The following VPS26A variants were observed in gnomAD, a reference collection of about 807,000 sequenced individuals.
The protein encoded by VPS26A is VPS26 retromer complex component A, also known as vacuolar protein sorting-associated protein 26A.
VPS26A carries 22 observed loss-of-function variants against 42.4 expected under a neutral mutation model. The observed-to-expected ratio is 0.52, with a 90% CI of 0.37 to 0.74. The LOEUF (loss-of-function observed/expected upper bound fraction) is 0.74. Ranked by LOEUF, VPS26A falls within the 30% of genes least tolerant of loss-of-function variation. The pLI is 0.00. For missense variants in VPS26A, 276 were observed against 379.2 expected (o/e 0.73, Z 2.26); for synonymous variants, 110 against 123.5 (o/e 0.89, Z 0.73).
At chr10:69,138,377 C>CATGT (rs1214680293) in intron 2 of VPS26A, among the ~76,000 whole-genome samples, 3 of 152,150 alleles carry the variant, frequency 2.0e-5, no homozygotes, top group Non-Finnish European at 4.4e-5. Flanking sequence ...TTCTCTTGAG[C>CATGT]ATGTACCTGG....
At chr10:69,134,832 C>T (rs1840867825) in intron 2 of VPS26A, among the ~76,000 whole-genome samples, 1 of 152,060 alleles carries the variant, frequency 6.6e-6, no homozygotes. Flanking sequence ...GTGGCTCACA[C>T]CTTTAATCCC....
intron 2 of VPS26A, among the ~76,000 whole-genome samples, chr10:69,143,473 G>A (rs1374140838): frequency 6.6e-6 from 1 of 152,136 alleles, no homozygotes; most frequent in Non-Finnish European, 1.5e-5. Flanking sequence ...GTGAGTTTCT[G>A]TATGCCTACT....
At chr10:69,126,357 A>G (rs924096831) in intron 1 of VPS26A, among the ~76,000 whole-genome samples, 38 of 152,050 alleles carry the variant, frequency 2.5e-4, no homozygotes, top group African/African-American at 8.9e-4. Context: ...CTGTAGTCCC[A>G]CCTACTCGGG....
intron 5 of VPS26A, among the ~76,000 whole-genome samples, chr10:69,160,944 G>A (rs1841548126): frequency 6.6e-6 from 1 of 152,172 alleles, no homozygotes; most frequent in South Asian, 2.1e-4. Flanking sequence ...CTTTGTCTTT[G>A]TGGGCAGATG....
chr10:69,168,536 C>T lies in VPS26A; in HGVS notation c.775C>T (p.Pro259Ser). 6.2e-7 allele frequency: 1 copy of T among 1,614,030 alleles called. No homozygotes were observed. Among genetic ancestry groups the T allele is most frequent in the Non-Finnish European group, 8.5e-7 (1 of 1,179,986 alleles). ...RLFLAGYDPT[P>S]TMRDVNKKFS... The stretch of plus-strand genomic sequence containing the variant: ...ATTTTTAGCAGGATATGACCCAACT[C>T]CAACAATGAGAGATGTGAACAAAAA... Residue 259 changes from proline (P) to serine (S), a missense_variant, in exon 8 of 9, where the codon CCA (proline) becomes TCA (serine). Physicochemically the swap from Pro to Ser is moderately conservative, Grantham distance 74. Transcript: ENST00000263559.
At position 69,172,613 on chromosome 10, in the gene VPS26A, C is replaced by T. The variant is rs1841842298; in HGVS notation, c.*1344C>T. On this transcript the variant is annotated 3_prime_UTR_variant, in exon 9 of 9. Transcript: ENST00000263559. ...ATAAAATGGTCAGGAACCAACTTTA[C>T]TGGCAAAAGGGTCCATGTACCACCA... is the stretch of plus-strand genomic sequence containing the variant. The T allele has an allele frequency of 6.6e-6, 1 of 151,890 alleles. No homozygotes were observed. The highest frequency in any genetic ancestry group is 6.6e-5 in the Admixed American group (1 of 15,226). The allele number at this position is 151,890 out of a possible 1,614,324, so 9.4% of individuals were successfully genotyped here. A position where few individuals can be genotyped will look rare whatever the true frequency, so the allele number is the denominator to read the frequency against.
At chr10:69,136,351 G>A (rs35309688) in intron 2 of VPS26A, among the ~76,000 whole-genome samples, 24,178 of 150,112 alleles carry the variant, frequency 0.16, 2,568 homozygotes, top group Non-Finnish European at 0.23. Context: ...GCAACTTCCC[G>A]CTTCCTGGGT....
intron 5 of VPS26A, among the ~76,000 whole-genome samples, chr10:69,162,123 C>G (rs1841577615): frequency 1.3e-5 from 2 of 151,688 alleles, no homozygotes; most frequent in Non-Finnish European, 2.9e-5. Flanking sequence ...TCCCAAGTAG[C>G]AGGGATCACA....
At chr10:69,140,000 A>G (rs1841004865) in intron 2 of VPS26A, among the ~76,000 whole-genome samples, 1 of 151,798 alleles carries the variant, frequency 6.6e-6, no homozygotes, top group Non-Finnish European at 1.5e-5. Flanking sequence ...TTTTTCTTAA[A>G]ATAACTTTGT....
chr10:69,172,799 A>G lies in VPS26A; in HGVS notation c.*1530A>G, dbSNP rs951696290. The G allele has an allele frequency of 6.6e-6, 1 of 152,646 alleles. No individual in the cohort carries two copies. The highest frequency in any genetic ancestry group is 1.5e-5 in the Non-Finnish European group (1 of 68,024). 9.5% of individuals were successfully genotyped at this position (152,646 alleles called of 1,614,324 possible). On this transcript the variant is annotated 3_prime_UTR_variant, in exon 9 of 9. Coordinates refer to ENST00000263559, the MANE Select transcript of VPS26A (RefSeq NM_004896.5). ...ATATTCAAAGAGATTTTGAAAACCA[A>G]TTGTATTTAACCAGCCTCAAATTGT...
chr10:69,162,584 T>G (rs1841586347), intron 6 of VPS26A, 72 bp downstream of exon 6: 7 of 994,698 alleles, frequency 7.0e-6, no homozygotes, highest in Non-Finnish European at 1.0e-5. Flanking sequence ...AAAATATTGT[T>G]TAAACATAAT....
At chr10:69,128,425 T>G (rs576418811) in intron 1 of VPS26A, among the ~76,000 whole-genome samples, 1 of 151,816 alleles carries the variant, frequency 6.6e-6, no homozygotes, top group South Asian at 2.1e-4. Context: ...AGAGATGGGG[T>G]TTCACCGTGT....
At chr10:69,151,282 A>AAAAAAAAAAAAAAAAC (rs71035063) in intron 2 of VPS26A, among the ~76,000 whole-genome samples, 11 of 136,820 alleles carry the variant, frequency 8.0e-5, no homozygotes, top group African/African-American at 3.3e-4. Context: ...AAAAAAAAAA[A>AAAAAAAAAAAAAAAAC]ACACACACAC....
chr10:69,162,489 T>C lies in VPS26A; in HGVS notation c.635T>C (p.Ile212Thr). The change falls in exon 6 of 9, where the codon ATC becomes ACC. Residue 212 changes from isoleucine to threonine, a missense_variant. Ile to Thr is a moderately conservative substitution (Grantham distance 89, BLOSUM62 -1). Coordinates refer to ENST00000263559, the MANE Select transcript of VPS26A (RefSeq NM_004896.5). ...IKIQHMELQLIKKEITGIGPS... is the reference protein window; with the variant it reads ...IKIQHMELQLTKKEITGIGPS... ...ATACAACATATGGAGTTACAGCTGA[T>C]CAAAAAAGAGATCACAGGAATTGGT... The C allele has an allele frequency of 6.4e-7, 1 of 1,558,100 alleles. No homozygotes were observed. The highest frequency in any genetic ancestry group is 8.7e-7 in the Non-Finnish European group (1 of 1,143,194).
At chr10:69,151,657 A>G (rs1841318286) in intron 2 of VPS26A, among the ~76,000 whole-genome samples, 1 of 152,192 alleles carries the variant, frequency 6.6e-6, no homozygotes, top group Non-Finnish European at 1.5e-5. Context: ...GGAAAATTTC[A>G]GAGTTTGCAG....
In VPS26A at chr10:69,173,222, C is replaced by T. The variant is rs2135591; in HGVS notation, c.*1953C>T. Among the ~76,000 whole-genome samples, 71,294 of 151,982 alleles carry T rather than the reference C, an allele frequency of 0.47. 19,065 individuals are homozygous for T. Among genetic ancestry groups the T allele is most frequent in the Middle Eastern group, 0.72 (213 of 294 alleles). On this transcript the variant is annotated 3_prime_UTR_variant, in exon 9 of 9. Transcript: ENST00000263559. ...TAATGAAGAGTTACAATGTCTAATC[C>T]ATTGGTTCTCAACCCTGGCTGCATA... is the stretch of plus-strand genomic sequence containing the variant.
At chr10:69,161,927 C>A in intron 5 of VPS26A, 1 of 209,932 alleles carries the variant, frequency 4.8e-6, no homozygotes, top group South Asian at 9.0e-5. Flanking sequence ...GAAACTGAAT[C>A]TTGAATACAC....
intron 1 of VPS26A, among the ~76,000 whole-genome samples, chr10:69,129,840 A>G (rs1312084517): frequency 6.6e-6 from 1 of 152,192 alleles, no homozygotes; most frequent in Admixed American, 6.5e-5. Context: ...AAAATTTGCT[A>G]CATATGTCAA....
rs1369776404 is a variant in VPS26A, at chr10:69,174,101, C to T, written c.*2832C>T. ...GCAGCGGCAACCGGCTCGGGTCCCC[C>T]TCCATACTGTGGAAGCTCTGTTCTT... is the stretch of plus-strand genomic sequence containing the variant. On this transcript the variant is annotated 3_prime_UTR_variant, in exon 9 of 9. Coordinates refer to ENST00000263559, the MANE Select transcript of VPS26A (RefSeq NM_004896.5). 8.5e-5 allele frequency among the ~76,000 whole-genome samples: 13 copies of T among 152,240 alleles called. No individual in the cohort carries two copies. Among genetic ancestry groups the T allele is most frequent in the African/African-American group, 3.1e-4 (13 of 41,466 alleles).
Sources: allele counts gnomAD v4.1 joint callset (sites outside exome capture counted in the v4.1 genomes callset), GRCh38; gene constraint gnomAD v4.1.1; transcripts MANE v1.5; gene names NCBI Gene and HGNC (gene_info 2026-07-23, HGNC 2026-07-21).